The following ORAI3 variants were observed in gnomAD, a reference collection of about 807,000 sequenced individuals.
ORAI3 encodes ORAI calcium release-activated calcium modulator 3.
ORAI3 carries 15 observed loss-of-function variants against 17.2 expected under a neutral mutation model. That is an observed-to-expected ratio of 0.87 (90% CI 0.58 to 1.34). ORAI3 has a LOEUF of 1.34. ORAI3 is among the 40% of genes most tolerant of loss of function. The probability of loss-of-function intolerance (pLI) is 0.00; values close to 1 mark genes in which losing one functional copy is unlikely to be tolerated. For missense variants in ORAI3, 405 were observed against 396.7 expected (o/e 1.02, Z -0.18); for synonymous variants, 178 against 172.4 (o/e 1.03, Z -0.25).
rs1210768908 is a variant in ORAI3, at chr16:30,949,385, C to G, written c.96C>G (p.His32Gln). The stretch of plus-strand genomic sequence containing the variant: ...CGGCCACGTACCGGGAGTTCGTGCA[C>G]CGCGGCTACCTGGACCTCATGGGGG... ...AGSATYREFVHRGYLDLMGAS... is the reference protein window; with the variant it reads ...AGSATYREFVQRGYLDLMGAS... Residue 32 changes from histidine (H) to glutamine (Q), a missense_variant, in exon 1 of 2, where the codon CAC becomes CAG. Physicochemically the swap from His to Gln is conservative, Grantham distance 24. Coordinates refer to ENST00000318663, the MANE Select transcript of ORAI3 (RefSeq NM_152288.3). The G allele has an allele frequency of 6.3e-7, 1 of 1,583,610 alleles. No individual in the cohort carries two copies. The highest frequency in any genetic ancestry group is 1.1e-5 in the South Asian group (1 of 87,236).
At chr16:30,950,535 G>T (rs2055919669) in intron 1 of ORAI3, among the ~76,000 whole-genome samples, 1 of 152,174 alleles carries the variant, frequency 6.6e-6, no homozygotes, top group Non-Finnish European at 1.5e-5. Context: ...GTACTTTGGG[G>T]AACGCACTCC....
At position 30,953,172 on chromosome 16, in the gene ORAI3, C is replaced by T. The variant is rs757592290; in HGVS notation, c.229-13C>T. 1.3e-6 allele frequency: 2 copies of T among 1,567,030 alleles called. No homozygotes were observed. The highest frequency in any genetic ancestry group is 1.7e-6 in the Non-Finnish European group (2 of 1,157,296). On this transcript the variant is annotated splice_polypyrimidine_tract_variant and intron_variant, in intron 1 of 1. Coordinates refer to ENST00000318663, the MANE Select transcript of ORAI3 (RefSeq NM_152288.3). ...TTATGGGGAGATCAGTACATCCCCT[C>T]TTGTCCCTGCAGGTGGCCATGGTGG...
At chr16:30,949,792 A>G (rs1424291762) in intron 1 of ORAI3, 1 of 430,656 alleles carries the variant, frequency 2.3e-6, no homozygotes, top group East Asian at 5.2e-5. Flanking sequence ...GTTGACTGCA[A>G]CAGTGAGGCA....
rs1267135501 is a variant in ORAI3, at chr16:30,949,386, C to A, written c.97C>A (p.Arg33Ser). 6.3e-7 allele frequency: 1 copy of A among 1,584,614 alleles called. No homozygotes were observed. The highest frequency in any genetic ancestry group is 8.6e-7 in the Non-Finnish European group (1 of 1,167,472). Reference sequence around the variant, plus strand: ...GGCCACGTACCGGGAGTTCGTGCACCGCGGCTACCTGGACCTCATGGGGGC... The same window carrying A: ...GGCCACGTACCGGGAGTTCGTGCACAGCGGCTACCTGGACCTCATGGGGGC... ...GSATYREFVH[R>S]GYLDLMGASQ... Residue 33 changes from arginine (R) to serine (S), a missense_variant, in exon 1 of 2, where the codon CGC (arginine) becomes AGC (serine). Arg to Ser is a moderately radical substitution (Grantham distance 110, BLOSUM62 -1). Transcript: ENST00000318663.
At position 30,953,883 on chromosome 16, in the gene ORAI3, C is replaced by T. The variant is rs1019205464; in HGVS notation, c.*39C>T. On this transcript the variant is annotated 3_prime_UTR_variant, in exon 2 of 2. Coordinates refer to ENST00000318663, the MANE Select transcript of ORAI3 (RefSeq NM_152288.3). ...CACCGCTCACTGCAAGCACTGCCTC[C>T]CTCCGGGGTCTGTAAGAGGCCGCAG... The T allele has an allele frequency of 2.5e-6, 4 of 1,577,300 alleles. No individual in the cohort carries two copies. In the African/African-American group the frequency reaches 5.4e-5, roughly 21 times the overall value.
chr16:30,953,737 G>T lies in ORAI3; in HGVS notation c.781G>T (p.Ala261Ser). Reference protein sequence around the residue: ...IMVPVGLVFVAFALHFYRSLV... With the variant: ...IMVPVGLVFVSFALHFYRSLV... ...GGTACCCGTGGGGCTCGTGTTTGTG[G>T]CCTTTGCCCTGCATTTCTACCGCTC... is the stretch of plus-strand genomic sequence containing the variant. The change falls in exon 2 of 2, where the codon GCC becomes TCC. Residue 261 changes from alanine to serine, a missense_variant. Physicochemically the swap from Ala to Ser is moderately conservative, Grantham distance 99. Transcript: ENST00000318663. The T allele has an allele frequency of 2.5e-6, 4 of 1,614,212 alleles. No individual in the cohort carries two copies. Among genetic ancestry groups the T allele is most frequent in the Non-Finnish European group, 3.4e-6 (4 of 1,180,044 alleles).
rs2055933873 is a variant in ORAI3 at position 30,953,362 on chromosome 16, C to G, written c.406C>G (p.His136Asp). The stretch of plus-strand genomic sequence containing the variant: ...CAACATCCACAACCTCAACTCTGTC[C>G]ACCAGTCGCCACACCAGAGACTGCA... ...VSNIHNLNSV[H>D]QSPHQRLHRY... Residue 136 changes from histidine to aspartate, a missense_variant, in exon 2 of 2, where the codon CAC (histidine) becomes GAC (aspartate). Transcript: ENST00000318663. 6.2e-7 allele frequency: 1 copy of G among 1,614,182 alleles called. No homozygotes were observed. The highest frequency in any genetic ancestry group is 8.5e-7 in the Non-Finnish European group (1 of 1,180,016).
chr16:30,954,228 ATTT>A lies in ORAI3; in HGVS notation c.*397_*399del, dbSNP rs397854749. 55 of 571,674 alleles carry A rather than the reference ATTT, an allele frequency of 9.6e-5. No homozygotes were observed. Among genetic ancestry groups the A allele is most frequent in the Middle Eastern group, 5.9e-4 (2 of 3,388 alleles). The allele number at this position is 571,674 out of a possible 1,614,324, so 35.4% of individuals were successfully genotyped here. A position where few individuals can be genotyped will look rare whatever the true frequency, so the allele number is the denominator to read the frequency against. On this transcript the variant is annotated 3_prime_UTR_variant, in exon 2 of 2. Transcript: ENST00000318663. ...CAGAAGGCAGCCAATTGTTGGTTTA[ATTT>A]TTTTTTTTTTTTGAGACAGTCTGTT...
intron 1 of ORAI3, among the ~76,000 whole-genome samples, chr16:30,952,496 T>C (rs1258293319): frequency 6.6e-6 from 1 of 152,156 alleles, no homozygotes; most frequent in Non-Finnish European, 1.5e-5. Context: ...GGTGCTGTTA[T>C]CAATCTCTAT....
rs766369392 is a variant in ORAI3 at position 30,953,786 on chromosome 16, G to C, written c.830G>C (p.Arg277Pro). 1 of 1,613,692 alleles carries C rather than the reference G, an allele frequency of 6.2e-7. No homozygotes were observed. Among genetic ancestry groups the C allele is most frequent in the South Asian group, 1.1e-5 (1 of 91,076 alleles). The change falls in exon 2 of 2, where the codon CGC becomes CCC. Residue 277 changes from arginine (R) to proline (P), a missense_variant. Transcript: ENST00000318663. ...YRSLVAHKTD[R>P]YKQELEELNR... ...TCCTTGGTGGCACACAAGACAGACCGCTACAAGCAGGAACTAGAGGAACTG... is the reference window on the plus strand; with the variant it reads ...TCCTTGGTGGCACACAAGACAGACCCCTACAAGCAGGAACTAGAGGAACTG...
rs1415054622 is a variant in ORAI3, at chr16:30,954,102, T to TG, written c.*259dup. ...ACTCTGCACCTGGGCTGGCCTCAGT[T>TG]GAAGGATCATGCAGTAGATAGAGGG... On this transcript the variant is annotated 3_prime_UTR_variant, in exon 2 of 2. Coordinates refer to ENST00000318663, the MANE Select transcript of ORAI3 (RefSeq NM_152288.3). 1.4e-6 allele frequency: 1 copy of TG among 702,880 alleles called. No individual in the cohort carries two copies. Among genetic ancestry groups the TG allele is most frequent in the Admixed American group, 2.0e-5 (1 of 50,004 alleles). The allele number at this position is 702,880 out of a possible 1,614,324, so 43.5% of individuals were successfully genotyped here. A position where few individuals can be genotyped will look rare whatever the true frequency, so the allele number is the denominator to read the frequency against.
intron 1 of ORAI3, among the ~76,000 whole-genome samples, chr16:30,951,481 A>G (rs1459460649): frequency 6.6e-6 from 1 of 152,206 alleles, no homozygotes; most frequent in African/African-American, 2.4e-5. Flanking sequence ...ATAAATTCCT[A>G]GAATAGGGTC....
rs530116858 is a variant in ORAI3 at position 30,949,283 on chromosome 16, C to A, written c.-7C>A. The A allele has an allele frequency of 5.4e-5, 76 of 1,400,762 alleles. No homozygotes were observed. Among genetic ancestry groups the A allele is most frequent in the East Asian group, 4.2e-4 (14 of 33,452 alleles). The allele number at this position is 1,400,762 out of a possible 1,614,324, so 86.8% of individuals were successfully genotyped here. A position where few individuals can be genotyped will look rare whatever the true frequency, so the allele number is the denominator to read the frequency against. The stretch of plus-strand genomic sequence containing the variant: ...TAGTGACCGCCTGGTGCCGCCCCCC[C>A]CCCAGGATGAAGGGCGGCGAGGGGG... On this transcript the variant is annotated 5_prime_UTR_variant, in exon 1 of 2. Transcript: ENST00000318663.
At position 30,953,788 on chromosome 16, in the gene ORAI3, T is replaced by TAG; in HGVS notation, c.833_834insGA (p.Tyr278Ter). The TAG allele has an allele frequency of 1.2e-6, 2 of 1,613,760 alleles. No individual in the cohort carries two copies. Among genetic ancestry groups the TAG allele is most frequent in the Non-Finnish European group, 8.5e-7 (1 of 1,179,964 alleles). ...CTTGGTGGCACACAAGACAGACCGC[T>TAG]ACAAGCAGGAACTAGAGGAACTGAA... ...RSLVAHKTDR[Y>*]KQELEELNRL... The change falls in exon 2 of 2, where the codon TAC becomes TAGAC. Residue 278 changes from tyrosine to a stop codon, truncating the protein, a stop_gained and frameshift_variant. Transcript: ENST00000318663. LOFTEE classifies it high-confidence loss of function.
chr16:30,949,257 G>T lies in ORAI3; in HGVS notation c.-33G>T. 7.3e-7 allele frequency: 1 copy of T among 1,367,846 alleles called. No individual in the cohort carries two copies. Among genetic ancestry groups the T allele is most frequent in the Non-Finnish European group, 9.4e-7 (1 of 1,061,916 alleles). 84.7% of individuals were successfully genotyped at this position (1,367,846 alleles called of 1,614,324 possible). On this transcript the variant is annotated 5_prime_UTR_variant, in exon 1 of 2. Transcript: ENST00000318663. The stretch of plus-strand genomic sequence containing the variant: ...GGGGCCCCCGAGGCGCTTCCGCCCC[G>T]TAGTGACCGCCTGGTGCCGCCCCCC...
Position 30,953,599 on chromosome 16 carries a change from G to A in ORAI3, c.643G>A (p.Ala215Thr). Residue 215 changes from alanine (A) to threonine (T), a missense_variant, in exon 2 of 2, where the codon GCG becomes ACG. Ala to Thr is a moderately conservative substitution (Grantham distance 58). Transcript: ENST00000318663. ...AGCTTCCAATCTCCCACGGTCCTCT[G>A]CGTCTGCAGCACCGTCCCAAGCTGA... Reference protein sequence around the residue: ...SPASNLPRSSASAAPSQAEPA... With the variant: ...SPASNLPRSSTSAAPSQAEPA... 1 of 1,614,214 alleles carries A rather than the reference G, an allele frequency of 6.2e-7. No individual in the cohort carries two copies. Among genetic ancestry groups the A allele is most frequent in the Non-Finnish European group, 8.5e-7 (1 of 1,180,036 alleles).
rs1222562927 is a variant in ORAI3, at chr16:30,949,507, G to C, written c.218G>C (p.Gly73Ala). The C allele has an allele frequency of 6.3e-7, 1 of 1,586,346 alleles. No individual in the cohort carries two copies. The highest frequency in any genetic ancestry group is 1.1e-5 in the South Asian group (1 of 88,880). Residue 73 changes from glycine to alanine, a missense_variant, in exon 1 of 2, where the codon GGC (glycine) becomes GCC (alanine). Gly to Ala is a moderately conservative substitution (Grantham distance 60). Coordinates refer to ENST00000318663, the MANE Select transcript of ORAI3 (RefSeq NM_152288.3). ...ASSRTSALLS[G>A]FAMVAMVEVQ... ...AGCCGCACGTCTGCCTTGCTCTCGG[G>C]CTTCGCCATGGTGAGGGGCCGGGAG... is the stretch of plus-strand genomic sequence containing the variant.
rs375007677 is a variant in ORAI3, at chr16:30,949,582, G to T, written c.228+65G>T. The stretch of plus-strand genomic sequence containing the variant: ...AAGTGGGGGGCACAGGTCGGGGGGG[G>T]GGCGAAGTAAACAGGTCCCAAGGGA... On this transcript the variant is annotated intron_variant, in intron 1 of 1. Transcript: ENST00000318663. The T allele has an allele frequency of 1.7e-5, 11 of 652,888 alleles. No individual in the cohort carries two copies. The East Asian group carries it at 2.3e-4, about 14-fold the overall frequency. 40.4% of individuals were successfully genotyped at this position (652,888 alleles called of 1,614,324 possible). A position where few individuals can be genotyped will look rare whatever the true frequency, so the allele number is the denominator to read the frequency against.
Position 30,953,961 on chromosome 16 carries a change from C to A in ORAI3, c.*117C>A. 8.8e-7 allele frequency: 1 copy of A among 1,141,562 alleles called. No individual in the cohort carries two copies. The highest frequency in any genetic ancestry group is 1.3e-6 in the Non-Finnish European group (1 of 786,160). 70.7% of individuals were successfully genotyped at this position (1,141,562 alleles called of 1,614,324 possible). A position where few individuals can be genotyped will look rare whatever the true frequency, so the allele number is the denominator to read the frequency against. On this transcript the variant is annotated 3_prime_UTR_variant, in exon 2 of 2. Transcript: ENST00000318663. The stretch of plus-strand genomic sequence containing the variant: ...CCTGGCTGGAGCCACTTCCAGTGGC[C>A]ACTCTCAGGCAGAGTTCAGATTCCT...
Sources: gnomAD v4.1 joint callset for allele counts (sites outside exome capture counted in the v4.1 genomes callset) on GRCh38, gnomAD v4.1.1 for gene constraint, MANE v1.5 for transcripts, NCBI Gene and HGNC (gene_info 2026-07-23, HGNC 2026-07-21) for gene names.